The following LNPEP variants were observed in gnomAD, a reference collection of about 807,000 sequenced individuals.
LNPEP encodes the protein leucyl-cystinyl aminopeptidase.
In LNPEP, 64 loss-of-function variants were observed where a neutral mutation model predicts 120.6. The observed-to-expected ratio is 0.53, with a 90% confidence interval of 0.43 to 0.65. The LOEUF (loss-of-function observed/expected upper bound fraction) is 0.65. LNPEP is among the 30% of genes least tolerant of loss of function. The pLI is 0.00. For synonymous variants in LNPEP, 435 were observed against 425.4 expected (o/e 1.02, Z -0.28); for missense variants, 1,057 against 1,200.0 (o/e 0.88, Z 1.76).
chr5:97,001,087 A>G (rs38043), intron 8 of LNPEP, among the ~76,000 whole-genome samples: 91,147 of 152,006 alleles, frequency 0.6, 27,422 homozygotes, highest in Middle Eastern at 0.7. Context: ...TTTGATCAGG[A>G]AAGTACCGTG....
At chr5:96,952,611 T>A (rs937435499) in intron 1 of LNPEP, among the ~76,000 whole-genome samples, 1 of 152,204 alleles carries the variant, frequency 6.6e-6, no homozygotes, top group Non-Finnish European at 1.5e-5. Context: ...ATCAGATGCC[T>A]TGGTTATGTG....
At chr5:96,984,056 C>A (rs1243594932) in intron 2 of LNPEP, among the ~76,000 whole-genome samples, 1 of 152,166 alleles carries the variant, frequency 6.6e-6, no homozygotes, top group East Asian at 1.9e-4. Context: ...CCACACTGGA[C>A]AGCCACCCCC....
intron 1 of LNPEP, among the ~76,000 whole-genome samples, chr5:96,959,933 CTTTTTTT>C (rs11316262): frequency 1.1e-4 from 12 of 113,202 alleles, no homozygotes; most frequent in African/African-American, 4.1e-4. Context: ...TAAAATTTAT[CTTTTTTT>C]TTTTTTTTTT....
chr5:96,959,000 A>G (rs1789536301), intron 1 of LNPEP, among the ~76,000 whole-genome samples: 1 of 151,608 alleles, frequency 6.6e-6, no homozygotes, highest in East Asian at 1.9e-4. Context: ...TAATTTTTGT[A>G]TTTTTAATAG....
intron 11 of LNPEP, among the ~76,000 whole-genome samples, chr5:97,009,127 T>C (rs530262174): frequency 1.3e-5 from 2 of 152,314 alleles, no homozygotes; most frequent in South Asian, 2.1e-4. Context: ...ACTGCCTCTT[T>C]AGGTCTTTGC....
rs1303563755 is a variant in LNPEP at position 97,036,372 on chromosome 5, T to G, written c.*7839T>G. The G allele has an allele frequency of 1.3e-5, 2 of 152,212 alleles. No homozygotes were observed. The highest frequency in any genetic ancestry group is 2.4e-5 in the African/African-American group (1 of 41,462). The allele number at this position is 152,212 out of a possible 1,614,324, so 9.4% of individuals were successfully genotyped here. On this transcript the variant is annotated 3_prime_UTR_variant, in exon 18 of 18. Transcript: ENST00000231368. Reference sequence around the variant, plus strand: ...TGTGTGCTTTCCATTTTGTCTTTAGTGCCTATACTGTTAGGTGTTTTCTTC... The same window carrying G: ...TGTGTGCTTTCCATTTTGTCTTTAGGGCCTATACTGTTAGGTGTTTTCTTC...
chr5:97,003,480 C>G lies in LNPEP; in HGVS notation c.1719C>G (p.Val573=). The change falls in exon 9 of 18, where the codon GTC becomes GTG. Residue 573 remains valine, a synonymous_variant. Transcript: ENST00000231368. ...LSEDVFQHAV[V]LYLHNHSYAS... ...AAGATGTGTTTCAACATGCTGTTGT[C>G]CTTTACCTGCATAATCACAGCTATG... The G allele has an allele frequency of 1.9e-6, 3 of 1,604,106 alleles. No individual in the cohort carries two copies. Among genetic ancestry groups the G allele is most frequent in the Non-Finnish European group, 2.6e-6 (3 of 1,172,820 alleles).
At chr5:96,982,147 C>T (rs1790142589) in intron 2 of LNPEP, among the ~76,000 whole-genome samples, 1 of 152,116 alleles carries the variant, frequency 6.6e-6, no homozygotes, top group African/African-American at 2.4e-5. Context: ...TCCAGCATCT[C>T]ATGGCAAGCA....
intron 1 of LNPEP, among the ~76,000 whole-genome samples, chr5:96,959,375 A>T (rs1372868946): frequency 6.6e-6 from 1 of 152,180 alleles, no homozygotes; most frequent in Non-Finnish European, 1.5e-5. Context: ...TTACTCTGAA[A>T]TTTTAATTAA....
rs140054620 is a variant in LNPEP at position 96,954,098 on chromosome 5, A to G, written c.19+17924A>G. Reference sequence around the variant, plus strand: ...GTAGACATTAGTATTGGGTTATGGCATGCTAAAATAGAGATAATTGAGACT... The same window carrying G: ...GTAGACATTAGTATTGGGTTATGGCGTGCTAAAATAGAGATAATTGAGACT... On this transcript the variant is annotated intron_variant, in intron 1 of 17. Transcript: ENST00000231368. 2.5e-3 allele frequency among the ~76,000 whole-genome samples: 385 copies of G among 152,334 alleles called. 6 individuals are homozygous for G. Among genetic ancestry groups the G allele is most frequent in the Admixed American group, 0.022 (333 of 15,302 alleles).
At chr5:97,022,539 T>A (rs1343147322) in intron 14 of LNPEP, 55 bp downstream of exon 14, 14 of 1,362,678 alleles carry the variant, frequency 1.0e-5, no homozygotes, top group Non-Finnish European at 1.5e-5. Flanking sequence ...TTTCACATCA[T>A]ATACAGTATC....
chr5:96,987,990 G>T (rs905166897), intron 4 of LNPEP, among the ~76,000 whole-genome samples: 1 of 152,016 alleles, frequency 6.6e-6, no homozygotes, highest in Non-Finnish European at 1.5e-5. Context: ...TTCCCCAGCT[G>T]GAATTAATCA....
At chr5:96,975,070 T>C (rs983543084) in intron 1 of LNPEP, among the ~76,000 whole-genome samples, 1 of 152,172 alleles carries the variant, frequency 6.6e-6, no homozygotes, top group South Asian at 2.1e-4. Context: ...CATAATCCTT[T>C]TAACAATTCT....
intron 9 of LNPEP, among the ~76,000 whole-genome samples, chr5:97,004,068 A>G (rs149272789): frequency 1.2e-4 from 18 of 152,310 alleles, no homozygotes; most frequent in African/African-American, 4.1e-4. Context: ...ATTCCTGGAA[A>G]TATTCTAGCA....
At chr5:96,947,495 T>C (rs1313988801) in intron 1 of LNPEP, among the ~76,000 whole-genome samples, 4 of 152,222 alleles carry the variant, frequency 2.6e-5, no homozygotes, top group Non-Finnish European at 5.9e-5. Flanking sequence ...AACCAAATGC[T>C]CTCAGTATTT....
intron 1 of LNPEP, among the ~76,000 whole-genome samples, chr5:96,948,451 C>G (rs1789245348): frequency 6.6e-6 from 1 of 152,158 alleles, no homozygotes; most frequent in African/African-American, 2.4e-5. Context: ...TAAACTGCTC[C>G]CATTAATAAG....
intron 13 of LNPEP, among the ~76,000 whole-genome samples, chr5:97,019,611 A>T (rs1791143835): frequency 6.6e-6 from 1 of 152,232 alleles, no homozygotes; most frequent in Non-Finnish European, 1.5e-5. Context: ...GGAATTAGCC[A>T]CAGCCATCTT....
intron 1 of LNPEP, chr5:96,943,063 T>C (rs763481290): frequency 7.3e-6 from 2 of 272,648 alleles, no homozygotes. Flanking sequence ...AGACATGGTA[T>C]TGTTTCCAGA....
At chr5:97,018,031 A>G (rs1369815813) in intron 13 of LNPEP, among the ~76,000 whole-genome samples, 2 of 152,022 alleles carry the variant, frequency 1.3e-5, no homozygotes, top group Non-Finnish European at 2.9e-5. Context: ...GCCCACCATA[A>G]TCCAGTATGA....
Sources: gnomAD v4.1 joint callset for allele counts (sites outside exome capture counted in the v4.1 genomes callset) on GRCh38, gnomAD v4.1.1 for gene constraint, MANE v1.5 for transcripts, NCBI Gene and HGNC (gene_info 2026-07-23, HGNC 2026-07-21) for gene names.